ABCD3: variants seen among roughly 807,000 people sequenced by gnomAD.
ABCD3 encodes the protein ATP binding cassette subfamily D member 3.
Under a neutral mutation model 105.5 loss-of-function variants are expected in ABCD3, and 41 were observed. That is an observed-to-expected ratio of 0.39 (90% CI 0.30 to 0.50). The LOEUF (loss-of-function observed/expected upper bound fraction) is 0.50. Ranked by LOEUF, ABCD3 falls within the 20% of genes least tolerant of loss-of-function variation. The pLI is 0.84. For synonymous variants in ABCD3, 258 were observed against 269.0 expected (o/e 0.96, Z 0.40); for missense variants, 622 against 806.3 (o/e 0.77, Z 2.77).
intron 1 of ABCD3, among the ~76,000 whole-genome samples, chr1:94,422,070 T>TA (rs1659278595): frequency 1.3e-5 from 2 of 152,348 alleles, no homozygotes; most frequent in Admixed American, 6.5e-5. Flanking sequence ...GCCCAGCTGA[T>TA]ACTTCTTTTT....
chr1:94,518,622 T>G lies in ABCD3; in HGVS notation c.*1493T>G, dbSNP rs188149196. On this transcript the variant is annotated 3_prime_UTR_variant, in exon 23 of 23. Coordinates refer to ENST00000370214, the MANE Select transcript of ABCD3 (RefSeq NM_002858.4). The stretch of plus-strand genomic sequence containing the variant: ...ACTTGAAAACATAGATAGTTTAATC[T>G]TGACTTGAAAAACACAAAAATAAAT... The G allele has an allele frequency of 4.8e-4, 73 of 152,258 alleles. No individual in the cohort carries two copies. In the East Asian group the frequency reaches 0.014, roughly 28 times the overall value. The allele number at this position is 152,258 out of a possible 1,614,324, so 9.4% of individuals were successfully genotyped here.
chr1:94,459,554 T>C (rs564482671), intron 2 of ABCD3, among the ~76,000 whole-genome samples: 2 of 152,368 alleles, frequency 1.3e-5, no homozygotes, highest in South Asian at 2.1e-4. Context: ...TGGTAAATTA[T>C]AAACTTCAGG....
At chr1:94,440,567 C>T (rs139374825) in intron 1 of ABCD3, among the ~76,000 whole-genome samples, 1 of 152,150 alleles carries the variant, frequency 6.6e-6, no homozygotes, top group African/African-American at 2.4e-5. Flanking sequence ...GGAATGCCTC[C>T]CAGTTCAGCT....
rs759558941 is a variant in ABCD3, at chr1:94,480,481, G to T, written c.702G>T (p.Met234Ile). ...AIGAQGPASM[M>I]AYLVVSGLFL... ...AATAATAGGGCCCAGCGAGCATGAT[G>T]GCCTACTTGGTTGTTTCTGGGCTAT... The change falls in exon 9 of 23, where the codon ATG becomes ATT. Residue 234 changes from methionine to isoleucine, a missense_variant. Coordinates refer to ENST00000370214, the MANE Select transcript of ABCD3 (RefSeq NM_002858.4). 12 of 1,613,822 alleles carry T rather than the reference G, an allele frequency of 7.4e-6. No individual in the cohort carries two copies. In the South Asian group the frequency reaches 1.3e-4, roughly 18 times the overall value.
At chr1:94,441,538 G>A (rs1660134570) in intron 1 of ABCD3, among the ~76,000 whole-genome samples, 3 of 152,080 alleles carry the variant, frequency 2.0e-5, no homozygotes, top group African/African-American at 4.8e-5. Context: ...AGATGTGTAG[G>A]GTTATTCATT....
chr1:94,448,665 G>T (rs1181297355), intron 1 of ABCD3, among the ~76,000 whole-genome samples: 2 of 152,146 alleles, frequency 1.3e-5, no homozygotes, highest in Non-Finnish European at 2.9e-5. Context: ...GTTTTCTTCT[G>T]CCTGTGTTAA....
At chr1:94,405,891 C>T in the ABCD3 span, among the ~76,000 whole-genome samples, 25 of 151,946 alleles carry the variant, frequency 1.6e-4, no homozygotes, top group Admixed American at 1.6e-3. Flanking sequence ...TGCCTTTTGA[C>T]TTTGCTTATG....
In ABCD3 at chr1:94,478,267, A is replaced by T; in HGVS notation, c.636A>T (p.Leu212Phe). 4 of 1,592,064 alleles carry T rather than the reference A, an allele frequency of 2.5e-6. No homozygotes were observed. Among genetic ancestry groups the T allele is most frequent in the South Asian group, 1.1e-5 (1 of 89,824 alleles). Residue 212 changes from leucine (L) to phenylalanine (F), a missense_variant, in exon 8 of 23, where the codon TTA becomes TTT. Coordinates refer to ENST00000370214, the MANE Select transcript of ABCD3 (RefSeq NM_002858.4). ...DLYSNLSKPF[L>F]DIVLYIFKLT... ...TAATATTTATTTTACAGCCATTTTTAGACATAGTTTTGTATATCTTTAAGT... is the reference window on the plus strand; with the variant it reads ...TAATATTTATTTTACAGCCATTTTTTGACATAGTTTTGTATATCTTTAAGT...
chr1:94,396,398 C>T, the ABCD3 span, among the ~76,000 whole-genome samples: 2 of 152,194 alleles, frequency 1.3e-5, no homozygotes, highest in South Asian at 4.1e-4. Context: ...CTTTAACATT[C>T]ATCATTTACT....
Position 94,469,911 on chromosome 1 carries a change from C to T in ABCD3, c.335+1904C>T, listed in dbSNP as rs536332473. Among the ~76,000 whole-genome samples the T allele has an allele frequency of 1.1e-4, 17 of 152,016 alleles. 1 individual carries two copies. The highest frequency in any genetic ancestry group is 3.4e-3 in the Middle Eastern group (1 of 294). ...TGACCTCCTGACCTTGTGGTCCTCCCGCCTCGGCCTCCCAAAGTGCTGGGT... is the reference window on the plus strand; with the variant it reads ...TGACCTCCTGACCTTGTGGTCCTCCTGCCTCGGCCTCCCAAAGTGCTGGGT... On this transcript the variant is annotated intron_variant, in intron 4 of 22. Coordinates refer to ENST00000370214, the MANE Select transcript of ABCD3 (RefSeq NM_002858.4).
intron 3 of ABCD3, among the ~76,000 whole-genome samples, chr1:94,466,335 A>G (rs568068046): frequency 2.4e-4 from 37 of 152,152 alleles, no homozygotes; most frequent in Middle Eastern, 3.4e-3. Flanking sequence ...TTACATTCCT[A>G]CTGTTCTCAC....
chr1:94,513,561 G>C (rs1482098457), intron 21 of ABCD3: 1 of 151,988 alleles, frequency 6.6e-6, no homozygotes, highest in Admixed American at 6.6e-5. Flanking sequence ...ATTAAATACA[G>C]ACAAAACTTA....
chr1:94,419,854 T>C (rs982833418), intron 1 of ABCD3, among the ~76,000 whole-genome samples: 1 of 152,236 alleles, frequency 6.6e-6, no homozygotes, highest in Non-Finnish European at 1.5e-5. Flanking sequence ...TACTCATTTT[T>C]CTTCTATTCA....
At chr1:94,446,518 G>A (rs549521235) in intron 1 of ABCD3, among the ~76,000 whole-genome samples, 52 of 152,324 alleles carry the variant, frequency 3.4e-4, no homozygotes, top group African/African-American at 1.2e-3. Context: ...CCAGGAGAGC[G>A]CATAGCACAG....
chr1:94,510,877 A>T, intron 21 of ABCD3, among the ~76,000 whole-genome samples: 1 of 152,090 alleles, frequency 6.6e-6, no homozygotes, highest in East Asian at 1.9e-4. Context: ...TTTTGAGCCT[A>T]TGTGTGTCTC....
chr1:94,408,703 C>G, the ABCD3 span, among the ~76,000 whole-genome samples: 1 of 152,104 alleles, frequency 6.6e-6, no homozygotes, highest in Non-Finnish European at 1.5e-5. Flanking sequence ...AAGCTAGGAC[C>G]ACACTAAGAA....
rs936403756 is a variant in ABCD3, at chr1:94,512,629, G to C, written c.1846-2517G>C. 8.6e-5 allele frequency among the ~76,000 whole-genome samples: 13 copies of C among 151,706 alleles called. No homozygotes were observed. In the East Asian group the frequency reaches 2.3e-3, roughly 27 times the overall value. On this transcript the variant is annotated intron_variant, in intron 21 of 22. Transcript: ENST00000370214. The stretch of plus-strand genomic sequence containing the variant: ...TTATTTGGCAATTTTTAATTTATCC[G>C]TTTTATTTTCTAGCCTGAGCAATAT...
At chr1:94,422,422 C>A (rs1659294826) in intron 1 of ABCD3, among the ~76,000 whole-genome samples, 1 of 152,196 alleles carries the variant, frequency 6.6e-6, no homozygotes, top group African/African-American at 2.4e-5. Context: ...CATCCTGAAA[C>A]CATCCCCCAA....
the ABCD3 span, among the ~76,000 whole-genome samples, chr1:94,407,272 T>G: frequency 6.6e-6 from 1 of 152,244 alleles, no homozygotes; most frequent in African/African-American, 2.4e-5. Context: ...TGCCTCAGCC[T>G]CCCGAGTAGC....
Sources: allele counts gnomAD v4.1 joint callset (sites outside exome capture counted in the v4.1 genomes callset), GRCh38; gene constraint gnomAD v4.1.1; transcripts MANE v1.5; gene names NCBI Gene and HGNC (gene_info 2026-07-23, HGNC 2026-07-21).